PTPRD: variants seen among roughly 807,000 people sequenced by gnomAD.
The protein encoded by PTPRD is receptor-type tyrosine-protein phosphatase delta.
In PTPRD, 34 loss-of-function variants were observed where a neutral mutation model predicts 214.5. That is an observed-to-expected ratio of 0.16 (90% CI 0.12 to 0.21). PTPRD has a LOEUF of 0.21. PTPRD is among the 10% of genes least tolerant of loss of function. The probability of loss-of-function intolerance (pLI) is 1.00; values close to 1 mark genes in which losing one functional copy is unlikely to be tolerated. For missense variants in PTPRD, 2,545 were observed against 2,398.7 expected (o/e 1.06, Z -1.27); for synonymous variants, 1,128 against 845.7 (o/e 1.33, Z -5.79).
chr9:10,303,855 T>C (rs1352773584), intron 3 of PTPRD, among the ~76,000 whole-genome samples: 2 of 152,156 alleles, frequency 1.3e-5, no homozygotes, highest in African/African-American at 4.8e-5. Context: ...CTGGTACCTT[T>C]CTTTCTGAAA....
chr9:8,795,994 C>G (rs115563793), intron 11 of PTPRD, among the ~76,000 whole-genome samples: 95 of 152,292 alleles, frequency 6.2e-4, no homozygotes, highest in African/African-American at 2.2e-3. Flanking sequence ...GAAAACACTT[C>G]TGAAGAAATT....
chr9:9,930,709 T>C (rs1385098720), intron 5 of PTPRD, among the ~76,000 whole-genome samples: 1 of 152,116 alleles, frequency 6.6e-6, no homozygotes, highest in African/African-American at 2.4e-5. Flanking sequence ...GACACAAATA[T>C]AATATTTAAA....
At chr9:8,745,155 T>G (rs919887072) in intron 11 of PTPRD, among the ~76,000 whole-genome samples, 1 of 152,228 alleles carries the variant, frequency 6.6e-6, no homozygotes, top group Non-Finnish European at 1.5e-5. Context: ...AACATCATTT[T>G]GGGCAACCCT....
At chr9:8,343,950 C>T (rs1270635368) in intron 39 of PTPRD, among the ~76,000 whole-genome samples, 4 of 152,054 alleles carry the variant, frequency 2.6e-5, no homozygotes, top group South Asian at 4.2e-4. Context: ...AAGGAGTACC[C>T]GAGGACTCCT....
intron 3 of PTPRD, among the ~76,000 whole-genome samples, chr9:10,142,435 A>G (rs1426363378): frequency 6.6e-6 from 1 of 152,046 alleles, no homozygotes; most frequent in Non-Finnish European, 1.5e-5. Context: ...CGAGAAAAAA[A>G]CAAACAACTC....
At chr9:9,040,514 C>T (rs770460977) in intron 10 of PTPRD, among the ~76,000 whole-genome samples, 14 of 152,208 alleles carry the variant, frequency 9.2e-5, no homozygotes, top group South Asian at 2.1e-4. Context: ...CATATTCAAC[C>T]GCACTCTTGC....
At chr9:10,298,959 G>C (rs941386665) in intron 3 of PTPRD, among the ~76,000 whole-genome samples, 1 of 151,972 alleles carries the variant, frequency 6.6e-6, no homozygotes, top group Non-Finnish European at 1.5e-5. Context: ...TCAATGCTTA[G>C]TTTCTTCATC....
At chr9:8,577,535 G>A (rs7033133) in intron 14 of PTPRD, among the ~76,000 whole-genome samples, 60,356 of 151,862 alleles carry the variant, frequency 0.4, 12,310 homozygotes, top group African/African-American at 0.51. Context: ...GATTATAGAC[G>A]TGAGCCACTG....
chr9:9,895,024 A>G (rs1023904212), intron 5 of PTPRD, among the ~76,000 whole-genome samples: 3 of 152,038 alleles, frequency 2.0e-5, no homozygotes, highest in Non-Finnish European at 4.4e-5. Context: ...CGGGTACACA[A>G]TGGGTTGAAA....
chr9:8,576,631 C>CAAAAAAAAAAAAAA (rs71317371), intron 14 of PTPRD, among the ~76,000 whole-genome samples: 1 of 116,032 alleles, frequency 8.6e-6, no homozygotes, highest in Non-Finnish European at 1.8e-5. Context: ...GCTAATGCAG[C>CAAAAAAAAAAAAAA]AAAAAAAAAA....
At chr9:10,445,863 C>A (rs995270581) in intron 2 of PTPRD, among the ~76,000 whole-genome samples, 1 of 151,968 alleles carries the variant, frequency 6.6e-6, no homozygotes, top group African/African-American at 2.4e-5. Context: ...CTAAAAAAAA[C>A]TAACAACAAC....
intron 4 of PTPRD, among the ~76,000 whole-genome samples, chr9:9,942,898 T>TTTG (rs917020335): frequency 1.3e-5 from 2 of 151,560 alleles, no homozygotes; most frequent in African/African-American, 4.8e-5. Flanking sequence ...CTGAGTTGTT[T>TTTG]TTTTTTTTTT....
intron 5 of PTPRD, among the ~76,000 whole-genome samples, chr9:9,790,267 A>C (rs980314032): frequency 6.6e-6 from 1 of 152,186 alleles, no homozygotes; most frequent in Admixed American, 6.5e-5. Context: ...ATGAGAAAAA[A>C]TATGGCAAAG....
chr9:10,093,936 A>G (rs974978586), intron 3 of PTPRD, among the ~76,000 whole-genome samples: 8 of 151,298 alleles, frequency 5.3e-5, no homozygotes, highest in Admixed American at 2.6e-4. Flanking sequence ...GGACTACTAG[A>G]GCAGGGAGAG....
chr9:9,095,857 T>C (rs561723213), intron 10 of PTPRD, among the ~76,000 whole-genome samples: 39 of 152,306 alleles, frequency 2.6e-4, no homozygotes, highest in Non-Finnish European at 5.3e-4. Context: ...AACCTGTCCA[T>C]TGATGAACAA....
chr9:8,557,297 A>G (rs2084157492), intron 14 of PTPRD, among the ~76,000 whole-genome samples: 2 of 152,146 alleles, frequency 1.3e-5, no homozygotes, highest in Non-Finnish European at 2.9e-5. Flanking sequence ...GCCTAAGACT[A>G]GCACAGTGTC....
At chr9:10,477,408 A>G (rs1302576508) in intron 2 of PTPRD, among the ~76,000 whole-genome samples, 1 of 152,222 alleles carries the variant, frequency 6.6e-6, no homozygotes, top group East Asian at 1.9e-4. Flanking sequence ...CATCAGAGAA[A>G]TGCAAATCAA....
chr9:10,557,325 T>C (rs764911803), intron 2 of PTPRD, among the ~76,000 whole-genome samples: 2 of 152,138 alleles, frequency 1.3e-5, no homozygotes, highest in Non-Finnish European at 2.9e-5. Flanking sequence ...TAACACAGTA[T>C]TGTCAAAAGA....
At chr9:9,473,218 A>T (rs1436631732) in intron 8 of PTPRD, among the ~76,000 whole-genome samples, 1 of 152,174 alleles carries the variant, frequency 6.6e-6, no homozygotes, top group Non-Finnish European at 1.5e-5. Context: ...CACATGAATG[A>T]AAACATGCAA....
Sources: gnomAD v4.1 joint callset for allele counts (sites outside exome capture counted in the v4.1 genomes callset) on GRCh38, gnomAD v4.1.1 for gene constraint, MANE v1.5 for transcripts, NCBI Gene and HGNC (gene_info 2026-07-23, HGNC 2026-07-21) for gene names.